ERC2: variants seen among roughly 807,000 people sequenced by gnomAD.
ERC2 encodes the protein ELKS/RAB6-interacting/CAST family member 2, also known as ERC protein 2.
A neutral mutation model predicts 114.8 loss-of-function variants in ERC2; 42 were observed. That is an observed-to-expected ratio of 0.37 (90% CI 0.29 to 0.47). The LOEUF (loss-of-function observed/expected upper bound fraction) is 0.47, where lower values mean the gene tolerates loss of function less well. Among genes scored for constraint, ERC2 ranks in the 20% least tolerant of loss-of-function variants. ERC2 has a pLI of 0.99. For missense variants in ERC2, 939 were observed against 1,150.7 expected, an observed-to-expected ratio of 0.82 and a Z score of 2.66; for synonymous variants, 454 against 425.5, an observed-to-expected ratio of 1.07 and a Z score of -0.82.
intron 14 of ERC2, among the ~76,000 whole-genome samples, chr3:55,880,783 AT>A (rs1420616434): frequency 6.7e-6 from 1 of 149,136 alleles, no homozygotes; most frequent in Non-Finnish European, 1.5e-5. Flanking sequence ...AAAGAATAGT[AT>A]TATAGCAAAA....
chr3:55,954,081 T>TAAAAAAAAA (rs58512381), intron 12 of ERC2, among the ~76,000 whole-genome samples: 2 of 50,358 alleles, frequency 4.0e-5, no homozygotes, highest in African/African-American at 1.7e-4. Context: ...CTCCATTATT[T>TAAAAAAAAA]AAAAAAAAAA....
At chr3:55,560,116 C>G (rs781629234) in intron 17 of ERC2, among the ~76,000 whole-genome samples, 3 of 152,118 alleles carry the variant, frequency 2.0e-5, no homozygotes, top group Non-Finnish European at 4.4e-5. Context: ...CTTCTTGGGC[C>G]AGAGGAAAGC....
chr3:55,975,885 C>A (rs551374438), intron 12 of ERC2, among the ~76,000 whole-genome samples: 1 of 152,150 alleles, frequency 6.6e-6, no homozygotes, highest in Non-Finnish European at 1.5e-5. Flanking sequence ...CTGGTAAAAT[C>A]TTTTCCATTT....
intron 2 of ERC2, among the ~76,000 whole-genome samples, chr3:56,413,254 C>T (rs2061012484): frequency 6.6e-6 from 1 of 152,204 alleles, no homozygotes; most frequent in South Asian, 2.1e-4. Flanking sequence ...CACTGCTTCC[C>T]CAGGCAGCAC....
At chr3:56,399,343 G>T (rs1328351500) in intron 2 of ERC2, among the ~76,000 whole-genome samples, 1 of 152,164 alleles carries the variant, frequency 6.6e-6, no homozygotes, top group Non-Finnish European at 1.5e-5. Flanking sequence ...TATTACACAT[G>T]CAGGGAAGGA....
chr3:56,187,936 G>T (rs1362571809), intron 3 of ERC2, among the ~76,000 whole-genome samples: 2 of 152,156 alleles, frequency 1.3e-5, no homozygotes, highest in Non-Finnish European at 2.9e-5. Context: ...TCCCCCAAAG[G>T]AGATGACACT....
At chr3:55,916,063 G>GT (rs2065073829) in intron 13 of ERC2, among the ~76,000 whole-genome samples, 1 of 152,074 alleles carries the variant, frequency 6.6e-6, no homozygotes, top group South Asian at 2.1e-4. Context: ...CATGAACTCT[G>GT]CTGCGAGGTC....
intron 13 of ERC2, among the ~76,000 whole-genome samples, chr3:55,924,313 A>C (rs1010950001): frequency 6.6e-6 from 1 of 152,062 alleles, no homozygotes; most frequent in Admixed American, 6.6e-5. Context: ...CAACTCCTCA[A>C]TTCTTTCCTA....
intron 17 of ERC2, among the ~76,000 whole-genome samples, chr3:55,592,577 T>A (rs566706236): frequency 3.3e-5 from 5 of 152,194 alleles, no homozygotes; most frequent in Non-Finnish European, 5.9e-5. Context: ...GGAACCTGTT[T>A]TTCATCTCTC....
Position 56,274,138 on chromosome 3 carries a change from C to A in ERC2, c.1074+21881G>T, listed in dbSNP as rs565394614. Among the ~76,000 whole-genome samples the A allele has an allele frequency of 3.6e-4, 55 of 152,314 alleles. 1 individual carries two copies. In the East Asian group the frequency reaches 0.01, roughly 28 times the overall value. On this transcript the variant is annotated intron_variant, in intron 3 of 17. Transcript: ENST00000288221. ...AGCAGAGGGCAAGGGAGCATTACCG[C>A]CTGAGCTCCCCCTGCTATCAGCTCA... is the stretch of plus-strand genomic sequence containing the variant.
chr3:55,942,266 C>CTTTTTTT lies in ERC2; in HGVS notation c.2403+8152_2403+8158dup, dbSNP rs56851837. Among the ~76,000 whole-genome samples, 337 of 42,116 alleles carry CTTTTTTT rather than the reference C, an allele frequency of 8.0e-3. 93 individuals carry two copies. Among genetic ancestry groups the CTTTTTTT allele is most frequent in the Middle Eastern group, 0.025 (1 of 40 alleles). The allele number at this position is 42,116 out of a possible 152,430, so 27.6% of individuals were successfully genotyped here. A position where few individuals can be genotyped will look rare whatever the true frequency, so the allele number is the denominator to read the frequency against. On this transcript the variant is annotated intron_variant, in intron 13 of 17. Coordinates refer to ENST00000288221, the MANE Select transcript of ERC2 (RefSeq NM_015576.3). ...TATTAAATGAAGTCTAAGGTCCTTT[C>CTTTTTTT]TTTTTTTTTTTTTTTTTTTTTTTTT...
intron 3 of ERC2, among the ~76,000 whole-genome samples, chr3:56,253,035 C>T (rs1576098292): frequency 6.6e-6 from 1 of 152,174 alleles, no homozygotes; most frequent in Non-Finnish European, 1.5e-5. Flanking sequence ...TAAGTGGTCT[C>T]AGGTTCCACA....
chr3:55,965,740 C>T (rs2068707142), intron 12 of ERC2, among the ~76,000 whole-genome samples: 1 of 152,076 alleles, frequency 6.6e-6, no homozygotes, highest in African/African-American at 2.4e-5. Context: ...AGTATTTATC[C>T]CCATGACAAC....
chr3:55,801,696 A>C (rs986735135), intron 14 of ERC2, among the ~76,000 whole-genome samples: 18 of 152,246 alleles, frequency 1.2e-4, no homozygotes, highest in Non-Finnish European at 2.4e-4. Flanking sequence ...TGGAAGTAGG[A>C]CTGGCTATAA....
chr3:55,833,635 G>T (rs2149194616), intron 14 of ERC2, among the ~76,000 whole-genome samples: 1 of 152,260 alleles, frequency 6.6e-6, no homozygotes, highest in East Asian at 1.9e-4. Flanking sequence ...GGAACAACTG[G>T]TACCAACCAC....
chr3:55,735,987 T>TC (rs1373934314), intron 14 of ERC2, among the ~76,000 whole-genome samples: 2 of 152,178 alleles, frequency 1.3e-5, no homozygotes, highest in Non-Finnish European at 2.9e-5. Context: ...CCAGAGCCAA[T>TC]CCACTGACAA....
intron 1 of ERC2, among the ~76,000 whole-genome samples, chr3:56,443,958 ATT>A (rs11343406): frequency 4.7e-4 from 38 of 80,240 alleles, no homozygotes; most frequent in Admixed American, 1.5e-3. Context: ...AATACCTACA[ATT>A]TTTTTTTTTT....
At chr3:55,964,091 A>G (rs1201368423) in intron 12 of ERC2, among the ~76,000 whole-genome samples, 1 of 152,244 alleles carries the variant, frequency 6.6e-6, no homozygotes, top group Non-Finnish European at 1.5e-5. Context: ...ATTTTAAAAC[A>G]TTGTTAAGTA....
chr3:55,820,137 C>T (rs889967338), intron 14 of ERC2, among the ~76,000 whole-genome samples: 2 of 152,184 alleles, frequency 1.3e-5, no homozygotes, highest in South Asian at 2.1e-4. Context: ...CAGGTGTCCA[C>T]GTGGGGTCTA....
Sources: gnomAD v4.1 joint callset for allele counts (sites outside exome capture counted in the v4.1 genomes callset) on GRCh38, gnomAD v4.1.1 for gene constraint, MANE v1.5 for transcripts, NCBI Gene and HGNC (gene_info 2026-07-23, HGNC 2026-07-21) for gene names.